XKR9: variants seen among roughly 807,000 people sequenced by gnomAD.
XKR9 encodes the protein XK related 9, also known as XK-related protein 9.
XKR9 carries 32 observed loss-of-function variants against 32.0 expected under a neutral mutation model. That is an observed-to-expected ratio of 1.00 (90% CI 0.76 to 1.34). The LOEUF is 1.34. Among genes scored for constraint, XKR9 ranks in the 40% most tolerant of loss-of-function variants. The pLI is 0.00. For synonymous variants in XKR9, 168 were observed against 143.4 expected (o/e 1.17, Z -1.22); for missense variants, 546 against 429.7 (o/e 1.27, Z -2.39).
At chr8:70,783,226 C>G (rs1318662758) in intron 2 of XKR9, among the ~76,000 whole-genome samples, 1 of 144,022 alleles carries the variant, frequency 6.9e-6, no homozygotes, top group Non-Finnish European at 1.5e-5. Context: ...ATTTGTATGT[C>G]TTTTTTTTTT....
intron 2 of XKR9, among the ~76,000 whole-genome samples, chr8:70,752,888 C>G (rs992938761): frequency 9.9e-5 from 15 of 152,278 alleles, no homozygotes; most frequent in African/African-American, 2.4e-4. Context: ...CATTCAAAAG[C>G]TAGCAGAAGG....
the XKR9 span, among the ~76,000 whole-genome samples, chr8:70,862,056 G>A: frequency 1.1e-4 from 16 of 152,072 alleles, no homozygotes; most frequent in Non-Finnish European, 1.9e-4. Flanking sequence ...AGACGGAGTG[G>A]GACCAAAGCA....
the XKR9 span, among the ~76,000 whole-genome samples, chr8:70,983,552 G>A: frequency 9.9e-3 from 1,503 of 152,128 alleles, 23 homozygotes; most frequent in African/African-American, 0.034. Flanking sequence ...AGGCTGAGGC[G>A]GGTGGATCAT....
intron 3 of XKR9, among the ~76,000 whole-genome samples, chr8:70,686,745 G>A (rs967878165): frequency 6.6e-6 from 1 of 152,090 alleles, no homozygotes; most frequent in Non-Finnish European, 1.5e-5. Flanking sequence ...TGAGGAGAAA[G>A]TGAATGTAAT....
At chr8:71,010,958 A>G in the XKR9 span, among the ~76,000 whole-genome samples, 1 of 152,156 alleles carries the variant, frequency 6.6e-6, no homozygotes, top group East Asian at 1.9e-4. Context: ...TGAAAAATAG[A>G]TAGATGGCGT....
At chr8:70,769,496 TGG>T (rs1426256541) in intron 2 of XKR9, among the ~76,000 whole-genome samples, 1 of 152,130 alleles carries the variant, frequency 6.6e-6, no homozygotes, top group Non-Finnish European at 1.5e-5. Context: ...CTTGCTAGAT[TGG>T]GGAAGTTCTC....
At chr8:70,855,837 A>G in the XKR9 span, among the ~76,000 whole-genome samples, 2 of 152,206 alleles carry the variant, frequency 1.3e-5, no homozygotes, top group Non-Finnish European at 2.9e-5. Flanking sequence ...AATCTTAAAG[A>G]AAAGAATTTT....
At chr8:71,020,471 A>G in the XKR9 span, among the ~76,000 whole-genome samples, 1 of 152,228 alleles carries the variant, frequency 6.6e-6, no homozygotes, top group African/African-American at 2.4e-5. Context: ...ATGTACTGTG[A>G]TGACAATTCC....
chr8:70,850,458 C>G, the XKR9 span, among the ~76,000 whole-genome samples: 40,745 of 121,350 alleles, frequency 0.34, 7,569 homozygotes, highest in Middle Eastern at 0.46. Flanking sequence ...AGCAAGACTC[C>G]TTCTCAAAAA....
intron 4 of XKR9, among the ~76,000 whole-genome samples, chr8:70,710,401 A>G (rs1805872391): frequency 6.6e-6 from 1 of 152,142 alleles, no homozygotes; most frequent in South Asian, 2.1e-4. Context: ...CATGACAAAG[A>G]CTACAAAAAT....
the XKR9 span, among the ~76,000 whole-genome samples, chr8:70,941,563 G>C: frequency 6.6e-6 from 1 of 152,064 alleles, no homozygotes; most frequent in South Asian, 2.1e-4. Flanking sequence ...CCTGAAATCT[G>C]GATTGGGAGG....
the XKR9 span, among the ~76,000 whole-genome samples, chr8:71,018,950 G>A: frequency 6.6e-6 from 1 of 152,086 alleles, no homozygotes; most frequent in Admixed American, 6.6e-5. Flanking sequence ...TGGCCCTATT[G>A]GATAGTTTTG....
At chr8:70,757,507 T>C (rs1176812321) in intron 2 of XKR9, among the ~76,000 whole-genome samples, 2 of 152,174 alleles carry the variant, frequency 1.3e-5, no homozygotes, top group African/African-American at 4.8e-5. Context: ...ATTCTCTATT[T>C]GGTATAATAT....
chr8:70,898,363 T>C, the XKR9 span, among the ~76,000 whole-genome samples: 1 of 152,206 alleles, frequency 6.6e-6, no homozygotes, highest in East Asian at 1.9e-4. Flanking sequence ...TTCCTTCACC[T>C]TTGGTCTTTT....
At chr8:70,920,551 T>C in the XKR9 span, among the ~76,000 whole-genome samples, 1 of 152,170 alleles carries the variant, frequency 6.6e-6, no homozygotes, top group South Asian at 2.1e-4. Flanking sequence ...TACACATGTC[T>C]ACATATGTGG....
chr8:70,874,785 G>A, the XKR9 span, among the ~76,000 whole-genome samples: 1 of 152,140 alleles, frequency 6.6e-6, no homozygotes, highest in South Asian at 2.1e-4. Flanking sequence ...CTCTTTATTG[G>A]CTTTATTTTG....
At chr8:71,023,432 G>A in the XKR9 span, among the ~76,000 whole-genome samples, 1 of 152,184 alleles carries the variant, frequency 6.6e-6, no homozygotes, top group Non-Finnish European at 1.5e-5. Context: ...CTTAGTGAAG[G>A]CTGTAGTGAG....
the XKR9 span, among the ~76,000 whole-genome samples, chr8:70,852,795 C>T: frequency 6.6e-6 from 1 of 151,884 alleles, no homozygotes; most frequent in East Asian, 1.9e-4. Context: ...GGGAGTTGAA[C>T]AATGAGAATA....
chr8:70,761,821 G>A (rs947841451), intron 2 of XKR9, among the ~76,000 whole-genome samples: 1 of 152,076 alleles, frequency 6.6e-6, no homozygotes, highest in East Asian at 1.9e-4. Flanking sequence ...AGTTTTTAGA[G>A]TTTTGGGTTT....
Sources: gnomAD v4.1 joint callset for allele counts (sites outside exome capture counted in the v4.1 genomes callset) on GRCh38, gnomAD v4.1.1 for gene constraint, MANE v1.5 for transcripts, NCBI Gene and HGNC (gene_info 2026-07-23, HGNC 2026-07-21) for gene names.